Variants in LHPP observed in about 807,000 individuals in gnomAD.
LHPP encodes hLHPP.
A neutral mutation model predicts 30.3 loss-of-function variants in LHPP; 24 were observed. The observed-to-expected ratio is 0.79, with a 90% CI of 0.57 to 1.11. The LOEUF (loss-of-function observed/expected upper bound fraction) is 1.11. Among genes scored for constraint, LHPP ranks in the 50% most tolerant of loss-of-function variants. LHPP has a pLI of 0.00. For missense variants in LHPP, 356 were observed against 367.2 expected (o/e 0.97, Z 0.25); for synonymous variants, 150 against 157.1 (o/e 0.95, Z 0.34).
chr10:124,481,304 A>T (rs1385427910), intron 1 of LHPP, among the ~76,000 whole-genome samples: 1 of 151,176 alleles, frequency 6.6e-6, no homozygotes, highest in Non-Finnish European at 1.5e-5. Context: ...AGTAGCTGTC[A>T]CTACCACTCA....
At chr10:124,610,231 G>C (rs955533327) in intron 6 of LHPP, among the ~76,000 whole-genome samples, 13 of 152,240 alleles carry the variant, frequency 8.5e-5, no homozygotes, top group Admixed American at 2.0e-4. Context: ...ATCACAGAAT[G>C]ACACACACAA....
intron 6 of LHPP, among the ~76,000 whole-genome samples, chr10:124,530,012 G>C (rs1479561701): frequency 1.3e-5 from 2 of 152,200 alleles, no homozygotes; most frequent in African/African-American, 4.8e-5. Flanking sequence ...CTTGCCACAG[G>C]GCCCAGGCCA....
intron 6 of LHPP, among the ~76,000 whole-genome samples, chr10:124,545,760 C>T (rs375081680): frequency 4.7e-4 from 72 of 152,170 alleles, no homozygotes; most frequent in African/African-American, 1.7e-3. Context: ...TTTAATCTTT[C>T]CCAAAATCAA....
intron 6 of LHPP, among the ~76,000 whole-genome samples, chr10:124,567,466 CGTAA>C (rs1293569316): frequency 1.3e-5 from 2 of 152,236 alleles, no homozygotes. Flanking sequence ...GAGTAGAAAA[CGTAA>C]GTGAGGTTCT....
chr10:124,472,736 T>G (rs1457290993), intron 1 of LHPP, among the ~76,000 whole-genome samples: 1 of 152,096 alleles, frequency 6.6e-6, no homozygotes, highest in African/African-American at 2.4e-5. Context: ...TTTTGTATTT[T>G]TAGTAGAGAC....
intron 3 of LHPP, among the ~76,000 whole-genome samples, chr10:124,495,947 C>A (rs148592478): frequency 6.6e-6 from 1 of 152,154 alleles, no homozygotes; most frequent in Non-Finnish European, 1.5e-5. Context: ...AAAGTCACAC[C>A]GTTAGAAGGC....
intron 6 of LHPP, among the ~76,000 whole-genome samples, chr10:124,525,683 C>A (rs1954715022): frequency 6.6e-6 from 1 of 152,214 alleles, no homozygotes; most frequent in African/African-American, 2.4e-5. Context: ...GCCCCCATGG[C>A]TTTGGTTGGG....
At position 124,473,904 on chromosome 10, in the gene LHPP, C is replaced by T. The variant is rs560357172; in HGVS notation, c.126-10235C>T. On this transcript the variant is annotated intron_variant, in intron 1 of 6. Transcript: ENST00000368842. Reference sequence around the variant, plus strand: ...CGGAGGTTGCAGTGAGCTGAGATTGCACCACTGCACTCCAGCCTGGGCAAT... The same window carrying T: ...CGGAGGTTGCAGTGAGCTGAGATTGTACCACTGCACTCCAGCCTGGGCAAT... Among the ~76,000 whole-genome samples the T allele has an allele frequency of 2.7e-3, 418 of 152,252 alleles. 1 individual carries two copies. Among genetic ancestry groups the T allele is most frequent in the African/African-American group, 9.2e-3 (381 of 41,532 alleles).
chr10:124,550,428 G>C (rs766581361), intron 6 of LHPP, among the ~76,000 whole-genome samples: 1 of 152,300 alleles, frequency 6.6e-6, no homozygotes, highest in Non-Finnish European at 1.5e-5. Flanking sequence ...CTGCCCCTGC[G>C]CCTTGTGGCA....
intron 3 of LHPP, among the ~76,000 whole-genome samples, chr10:124,495,927 T>C (rs1953693199): frequency 6.6e-6 from 1 of 152,224 alleles, no homozygotes. Context: ...CCCACAGGCG[T>C]AAGCAACCCA....
At chr10:124,468,880 A>G (rs1264058168) in intron 1 of LHPP, among the ~76,000 whole-genome samples, 1 of 146,130 alleles carries the variant, frequency 6.8e-6, no homozygotes, top group Non-Finnish European at 1.6e-5. Flanking sequence ...AGATGCCCAG[A>G]GTGGCTGCGA....
chr10:124,463,353 C>T (rs1952459717), intron 1 of LHPP, among the ~76,000 whole-genome samples: 1 of 150,842 alleles, frequency 6.6e-6, no homozygotes, highest in Admixed American at 6.6e-5. Flanking sequence ...CCAGCCAAGA[C>T]TTGACCATGA....
chr10:124,571,180 C>T (rs1174766217), intron 6 of LHPP, among the ~76,000 whole-genome samples: 1 of 152,234 alleles, frequency 6.6e-6, no homozygotes, highest in Non-Finnish European at 1.5e-5. Context: ...TTGTAAACTG[C>T]CCAGTCTCTC....
chr10:124,488,384 A>T, intron 2 of LHPP, 38 bp from the exon 3 acceptor site: 1 of 1,608,864 alleles, frequency 6.2e-7, no homozygotes, highest in Non-Finnish European at 8.5e-7. Context: ...ATGTCCTCCC[A>T]GGGCTCCGTG....
At chr10:124,546,550 C>A (rs528764456) in intron 6 of LHPP, among the ~76,000 whole-genome samples, 1 of 152,098 alleles carries the variant, frequency 6.6e-6, no homozygotes, top group South Asian at 2.1e-4. Flanking sequence ...CTACAGGTGC[C>A]TGCCACCACG....
chr10:124,523,342 C>T lies in LHPP; in HGVS notation c.716+6071C>T, dbSNP rs1182183258. On this transcript the variant is annotated intron_variant, in intron 6 of 6. Transcript: ENST00000368842. The surrounding 1 kb of genome is among the most constrained non-coding windows in gnomAD (Gnocchi z 4.2). ...GCCAGCCGATCTAGGATTCCAGCCG[C>T]CTTGCACAAAGCTGGAAGACGAGGG... Among the ~76,000 whole-genome samples the T allele has an allele frequency of 1.3e-5, 2 of 152,196 alleles. No individual in the cohort carries two copies. Among genetic ancestry groups the T allele is most frequent in the African/African-American group, 4.8e-5 (2 of 41,446 alleles).
At chr10:124,535,509 T>C (rs545431341) in intron 6 of LHPP, among the ~76,000 whole-genome samples, 1 of 152,268 alleles carries the variant, frequency 6.6e-6, no homozygotes, top group African/African-American at 2.4e-5. Context: ...GATTCTCGCA[T>C]CTCAGCCTCC....
At chr10:124,587,633 G>A (rs1159632013) in intron 6 of LHPP, among the ~76,000 whole-genome samples, 3 of 151,162 alleles carry the variant, frequency 2.0e-5, no homozygotes, top group South Asian at 2.1e-4. Context: ...CCAGCCACTC[G>A]GGAGGCTGAG....
intron 1 of LHPP, among the ~76,000 whole-genome samples, chr10:124,465,073 C>A (rs975372169): frequency 6.6e-6 from 1 of 151,938 alleles, no homozygotes; most frequent in African/African-American, 2.4e-5. Context: ...GGTGTGAAGA[C>A]GGGAGGGTAC....
Sources: allele counts gnomAD v4.1 joint callset (sites outside exome capture counted in the v4.1 genomes callset), GRCh38; gene constraint gnomAD v4.1.1; non-coding constraint Gnocchi (gnomAD v3.1); transcripts MANE v1.5; gene names NCBI Gene and HGNC (gene_info 2026-07-23, HGNC 2026-07-21).